The following MX2 variants were observed in gnomAD, a reference collection of about 807,000 sequenced individuals.
MX2 encodes the protein interferon-induced GTP-binding protein Mx2.
Under a neutral mutation model 74.0 loss-of-function variants are expected in MX2, and 51 were observed. The observed-to-expected ratio is 0.69, with a 90% CI of 0.55 to 0.87. The LOEUF is 0.87. Among genes scored for constraint, MX2 ranks in the 40% least tolerant of loss-of-function variants. The probability of loss-of-function intolerance (pLI) is 0.00; values close to 1 mark genes in which losing one functional copy is unlikely to be tolerated. For missense variants in MX2, 832 were observed against 908.7 expected (o/e 0.92, Z 1.09); for synonymous variants, 369 against 339.3 (o/e 1.09, Z -0.96).
At chr21:41,394,589 G>T (rs1182865893) in intron 6 of MX2, among the ~76,000 whole-genome samples, 1 of 152,132 alleles carries the variant, frequency 6.6e-6, no homozygotes, top group African/African-American at 2.4e-5. Context: ...GGAAAGAGAG[G>T]TTCAAGAATA....
In MX2 at chr21:41,408,079, T is replaced by C. The variant is rs367695054; in HGVS notation, c.1994T>C (p.Met665Thr). The C allele has an allele frequency of 6.2e-7, 1 of 1,614,212 alleles. No homozygotes were observed. Among genetic ancestry groups the C allele is most frequent in the Non-Finnish European group, 8.5e-7 (1 of 1,180,032 alleles). ...RENGDSLQKA[M>T]MQILQEKNRY... ...AATGGTGACTCCTTGCAGAAAGCCATGATGCAGATACTACAGGAAAAAAAT... is the reference window on the plus strand; with the variant it reads ...AATGGTGACTCCTTGCAGAAAGCCACGATGCAGATACTACAGGAAAAAAAT... The change falls in exon 14 of 14, where the codon ATG (methionine) becomes ACG (threonine). Residue 665 changes from methionine to threonine, a missense_variant. Physicochemically the swap from Met to Thr is moderately conservative, Grantham distance 81. Coordinates refer to ENST00000330714, the MANE Select transcript of MX2 (RefSeq NM_002463.2).
chr21:41,368,554 T>G lies in MX2; in HGVS notation c.-72+6499T>G, dbSNP rs1192926307. Among the ~76,000 whole-genome samples, 1 of 152,150 alleles carries G rather than the reference T, an allele frequency of 6.6e-6. No individual in the cohort carries two copies. Among genetic ancestry groups the G allele is most frequent in the Admixed American group, 6.5e-5 (1 of 15,282 alleles). On this transcript the variant is annotated intron_variant, in intron 1 of 13. Transcript: ENST00000330714. The surrounding 1 kb of genome is among the most constrained non-coding windows in gnomAD (Gnocchi z 4.6). Reference sequence around the variant, plus strand: ...CCCCTGCAACTTTTCACCCCTTTATTTTGCAGAGCAATCTGTGCCCAGCTC... The same window carrying G: ...CCCCTGCAACTTTTCACCCCTTTATGTTGCAGAGCAATCTGTGCCCAGCTC...
At position 41,408,269 on chromosome 21, in the gene MX2, A is replaced by T; in HGVS notation, c.*36A>T. On this transcript the variant is annotated 3_prime_UTR_variant, in exon 14 of 14. Coordinates refer to ENST00000330714, the MANE Select transcript of MX2 (RefSeq NM_002463.2). ...TGCCTGTGGTTGTTTTCTTGTGCGT[A>T]CTCATTCATTCTAAGGGGAGTCGGT... The T allele has an allele frequency of 6.2e-7, 1 of 1,608,262 alleles. No homozygotes were observed. Among genetic ancestry groups the T allele is most frequent in the South Asian group, 1.1e-5 (1 of 90,484 alleles).
intron 1 of MX2, among the ~76,000 whole-genome samples, chr21:41,372,026 G>A (rs2089332952): frequency 1.3e-5 from 2 of 152,208 alleles, no homozygotes; most frequent in Admixed American, 1.3e-4. Flanking sequence ...AAGTGTCTGT[G>A]TTAGAAGAAG....
At chr21:41,386,557 C>G (rs1370472325) in intron 5 of MX2, among the ~76,000 whole-genome samples, 1 of 152,180 alleles carries the variant, frequency 6.6e-6, no homozygotes, top group Admixed American at 6.5e-5. Context: ...TCTCCATCAC[C>G]TTCCCACCCT....
At chr21:41,396,525 T>C (rs1396864140) in intron 7 of MX2, among the ~76,000 whole-genome samples, 1 of 152,124 alleles carries the variant, frequency 6.6e-6, no homozygotes, top group African/African-American at 2.4e-5. Flanking sequence ...TTGCTGACTA[T>C]GTGATCTTAC....
At chr21:41,407,229 G>C (rs982449287) in intron 13 of MX2, among the ~76,000 whole-genome samples, 1 of 152,170 alleles carries the variant, frequency 6.6e-6, no homozygotes, top group Non-Finnish European at 1.5e-5. Context: ...TAAAGTGGTA[G>C]AGCGTGTACT....
chr21:41,369,879 A>G (rs1180660603), intron 1 of MX2, among the ~76,000 whole-genome samples: 1 of 137,492 alleles, frequency 7.3e-6, no homozygotes, highest in Non-Finnish European at 1.6e-5. Flanking sequence ...TGCAGCAAGC[A>G]GGGGACAGTC....
chr21:41,384,865 CTAAT>C (rs986620599), intron 5 of MX2, among the ~76,000 whole-genome samples: 6 of 150,424 alleles, frequency 4.0e-5, no homozygotes, highest in Admixed American at 2.0e-4. Flanking sequence ...AATTAAAAAA[CTAAT>C]TAGGAATAAA....
rs2089894398 is a variant in MX2 at position 41,406,928 on chromosome 21, AT to A, written c.1839del (p.Ser615ValfsTer12). The A allele has an allele frequency of 6.2e-7, 1 of 1,614,040 alleles. No individual in the cohort carries two copies. Among genetic ancestry groups the A allele is most frequent in the African/African-American group, 1.3e-5 (1 of 74,918 alleles). On this transcript the variant is annotated frameshift_variant, in exon 13 of 14. Coordinates refer to ENST00000330714, the MANE Select transcript of MX2 (RefSeq NM_002463.2). LOFTEE classifies it high-confidence loss of function. ...TPSQNMKLNS[H>X]FPSNESSVSS... ...TCACAGAATATGAAGTTGAACTCTC[AT>A]TTTCCCAGTAATGAGTCTTCGGTTT...
At chr21:41,399,514 T>C in intron 10 of MX2, 177 bp downstream of exon 10, 4 of 602,828 alleles carry the variant, frequency 6.6e-6, no homozygotes, top group South Asian at 2.2e-5. Context: ...GGCATCGACC[T>C]CAGCAACTCA....
chr21:41,373,073 A>T (rs913930691), intron 1 of MX2: 3 of 152,170 alleles, frequency 2.0e-5, no homozygotes, highest in Non-Finnish European at 4.4e-5. Context: ...ATCAGGAAAG[A>T]TATCGTGCAG....
At position 41,408,620 on chromosome 21, in the gene MX2, C is replaced by CT. The variant is rs1325300610; in HGVS notation, c.*388dup. ...GTATGTCCAGTCTCCTGCACAGCAC[C>CT]TGCAGCATTGTAACTGCTTAATAAA... On this transcript the variant is annotated 3_prime_UTR_variant, in exon 14 of 14. Coordinates refer to ENST00000330714, the MANE Select transcript of MX2 (RefSeq NM_002463.2). The CT allele has an allele frequency of 1.0e-5, 2 of 193,540 alleles. No homozygotes were observed. The highest frequency in any genetic ancestry group is 2.8e-4 in the East Asian group (2 of 7,146). 12.0% of individuals were successfully genotyped at this position (193,540 alleles called of 1,614,324 possible).
At chr21:41,372,075 A>C (rs1365546391) in intron 1 of MX2, among the ~76,000 whole-genome samples, 2 of 152,172 alleles carry the variant, frequency 1.3e-5, no homozygotes, top group African/African-American at 4.8e-5. Flanking sequence ...TTTTGATAGG[A>C]AGATAGGTAT....
At chr21:41,399,430 A>C in intron 10 of MX2, 93 bp downstream of exon 10, 1 of 1,385,252 alleles carries the variant, frequency 7.2e-7, no homozygotes, top group Non-Finnish European at 9.9e-7. Context: ...CAAGAGTGGA[A>C]CACGTCCATC....
At position 41,408,700 on chromosome 21, in the gene MX2, A is replaced by G. The variant is rs535600968; in HGVS notation, c.*467A>G. The G allele has an allele frequency of 6.4e-6, 1 of 155,304 alleles. No homozygotes were observed. Among genetic ancestry groups the G allele is most frequent in the East Asian group, 1.9e-4 (1 of 5,254 alleles). The allele number at this position is 155,304 out of a possible 1,614,324, so 9.6% of individuals were successfully genotyped here. On this transcript the variant is annotated 3_prime_UTR_variant, in exon 14 of 14. Transcript: ENST00000330714. ...GTAAGTGATGGAGATACCTGAGGCTATTGCTCAAGCCCAGGCCTTGGACAT... is the reference window on the plus strand; with the variant it reads ...GTAAGTGATGGAGATACCTGAGGCTGTTGCTCAAGCCCAGGCCTTGGACAT...
At chr21:41,362,740 G>GTT (rs796852034) in intron 1 of MX2, among the ~76,000 whole-genome samples, 20 of 113,054 alleles carry the variant, frequency 1.8e-4, no homozygotes, top group African/African-American at 3.2e-4. Context: ...TGATGACGCA[G>GTT]TTTTTTTTTC....
intron 2 of MX2, 97 bp from the exon 3 acceptor site, chr21:41,377,692 C>T: frequency 2.2e-6 from 3 of 1,343,314 alleles, no homozygotes; most frequent in Non-Finnish European, 3.1e-6. Flanking sequence ...TGCAACCCAA[C>T]CTAACATCAT....
At chr21:41,399,537 T>G in intron 10 of MX2, 200 bp downstream of exon 10, 1 of 522,338 alleles carries the variant, frequency 1.9e-6, no homozygotes, top group Non-Finnish European at 3.4e-6. Flanking sequence ...ACAGGGCAAT[T>G]CCACTGCCTC....
Sources: allele counts gnomAD v4.1 joint callset (sites outside exome capture counted in the v4.1 genomes callset), GRCh38; gene constraint gnomAD v4.1.1; non-coding constraint Gnocchi (gnomAD v3.1); transcripts MANE v1.5; gene names NCBI Gene and HGNC (gene_info 2026-07-23, HGNC 2026-07-21).